Variants in AFF3 observed in about 807,000 individuals in gnomAD.
AFF3 encodes the protein AF4/FMR2 family member 3.
A neutral mutation model predicts 129.7 loss-of-function variants in AFF3; 32 were observed. That is an observed-to-expected ratio of 0.25 (90% confidence interval 0.19 to 0.33). AFF3 has a LOEUF of 0.33. AFF3 is among the 10% of genes least tolerant of loss of function. The pLI, the probability that AFF3 is intolerant of heterozygous loss-of-function variation, is 1.00. For missense variants in AFF3, 1,373 were observed against 1,592.0 expected (o/e 0.86, Z 2.34); for synonymous variants, 644 against 635.4 (o/e 1.01, Z -0.20).
At chr2:99,620,863 C>G (rs1328275039) in intron 13 of AFF3, among the ~76,000 whole-genome samples, 3 of 152,136 alleles carry the variant, frequency 2.0e-5, no homozygotes, top group African/African-American at 7.2e-5. Flanking sequence ...TCCTCCTCTT[C>G]TCCCTCTTCT....
intron 13 of AFF3, among the ~76,000 whole-genome samples, chr2:99,606,046 T>C (rs891338224): frequency 5.9e-5 from 9 of 152,156 alleles, no homozygotes; most frequent in African/African-American, 1.4e-4. Context: ...TTGGTTGTCA[T>C]GTTTACATAC....
intron 13 of AFF3, among the ~76,000 whole-genome samples, chr2:99,630,240 C>CA (rs937443129): frequency 1.3e-5 from 2 of 152,198 alleles, no homozygotes; most frequent in Non-Finnish European, 2.9e-5. Context: ...GGATGCGCTG[C>CA]ATGAAGCTTG....
chr2:99,601,637 G>C lies in AFF3; in HGVS notation c.1185-16C>G. The C allele has an allele frequency of 6.3e-7, 1 of 1,585,342 alleles. No homozygotes were observed. Among genetic ancestry groups the C allele is most frequent in the Admixed American group, 1.7e-5 (1 of 58,856 alleles). On this transcript the variant is annotated splice_polypyrimidine_tract_variant and intron_variant, in intron 13 of 24. Coordinates refer to ENST00000672756, the MANE Select transcript of AFF3 (RefSeq NM_001386135.1). ...GACCACGGCGCTGCCAGCCCGCGAG[G>C]CCCCCGGGAAGCAGAGGGAAGGAAA...
chr2:100,030,938 A>C (rs2104954120), intron 4 of AFF3, among the ~76,000 whole-genome samples: 1 of 152,356 alleles, frequency 6.6e-6, no homozygotes, highest in East Asian at 1.9e-4. Flanking sequence ...AGCATTGGTC[A>C]AAATTCATAG....
At chr2:99,999,023 G>A (rs1681130724) in intron 7 of AFF3, among the ~76,000 whole-genome samples, 4 of 151,976 alleles carry the variant, frequency 2.6e-5, no homozygotes, top group Admixed American at 2.6e-4. Context: ...CACAGAACAC[G>A]ACCATCTGTG....
At chr2:99,578,603 A>G (rs1207282161) in intron 17 of AFF3, 152 bp from the exon 18 acceptor site, 7 of 1,196,554 alleles carry the variant, frequency 5.9e-6, no homozygotes, top group Non-Finnish European at 8.0e-6. Flanking sequence ...TCAATAAAGA[A>G]ATACATGCAT....
At chr2:100,131,313 G>A (rs1326571563) in intron 1 of AFF3, among the ~76,000 whole-genome samples, 1 of 152,098 alleles carries the variant, frequency 6.6e-6, no homozygotes, top group African/African-American at 2.4e-5. Flanking sequence ...GGTTTCTCAA[G>A]AATTAAAGAA....
At chr2:100,044,394 C>T (rs1352853997) in intron 4 of AFF3, among the ~76,000 whole-genome samples, 1 of 152,148 alleles carries the variant, frequency 6.6e-6, no homozygotes, top group Non-Finnish European at 1.5e-5. Context: ...TAAATGAAAA[C>T]ACTGAACGTA....
intron 2 of AFF3, among the ~76,000 whole-genome samples, chr2:100,126,428 C>A (rs576164683): frequency 6.6e-6 from 1 of 152,172 alleles, no homozygotes; most frequent in African/African-American, 2.4e-5. Context: ...GATGTGGATG[C>A]ACACAGATCC....
At chr2:99,585,922 G>T (rs1328349427) in intron 16 of AFF3, among the ~76,000 whole-genome samples, 1 of 152,002 alleles carries the variant, frequency 6.6e-6, no homozygotes, top group Admixed American at 6.6e-5. Flanking sequence ...GTAGATACGG[G>T]GTTTCACCAT....
intron 19 of AFF3, among the ~76,000 whole-genome samples, chr2:99,568,425 T>G (rs143267953): frequency 6.6e-6 from 1 of 152,224 alleles, no homozygotes; most frequent in African/African-American, 2.4e-5. Flanking sequence ...TTGTACAGTT[T>G]CAGAGAAAGC....
At chr2:99,587,344 C>T in intron 15 of AFF3, 66 bp from the exon 16 acceptor site, 1 of 1,588,256 alleles carries the variant, frequency 6.3e-7, no homozygotes, top group Non-Finnish European at 8.6e-7. Flanking sequence ...TTCCCAGGCA[C>T]CGACTTCCAC....
chr2:99,779,273 T>C (rs977935523), intron 8 of AFF3, among the ~76,000 whole-genome samples: 9 of 152,208 alleles, frequency 5.9e-5, no homozygotes, highest in Non-Finnish European at 1.3e-4. Context: ...TTTTTCTGTA[T>C]CTATTGAGAT....
chr2:99,945,001 T>C (rs193101165), intron 7 of AFF3, among the ~76,000 whole-genome samples: 11 of 152,300 alleles, frequency 7.2e-5, no homozygotes, highest in Admixed American at 4.6e-4. Flanking sequence ...CCCCACTCAT[T>C]GGACACCTAT....
chr2:99,687,850 C>T (rs895516256), intron 11 of AFF3, among the ~76,000 whole-genome samples: 4 of 152,086 alleles, frequency 2.6e-5, no homozygotes, highest in Admixed American at 6.5e-5. Context: ...GCTATGATAA[C>T]GTAAGTCCAT....
At chr2:99,632,547 G>A (rs1217405936) in intron 13 of AFF3, among the ~76,000 whole-genome samples, 3 of 152,144 alleles carry the variant, frequency 2.0e-5, no homozygotes, top group Non-Finnish European at 2.9e-5. Flanking sequence ...GGCCTTCTGA[G>A]CTCCCCGGGG....
chr2:99,883,413 C>A (rs910824161), intron 7 of AFF3, among the ~76,000 whole-genome samples: 1 of 152,200 alleles, frequency 6.6e-6, no homozygotes, highest in Non-Finnish European at 1.5e-5. Flanking sequence ...TGACTGACAG[C>A]ACCATTAAAA....
At chr2:100,022,982 A>C (rs1254598943) in intron 4 of AFF3, among the ~76,000 whole-genome samples, 1 of 152,174 alleles carries the variant, frequency 6.6e-6, no homozygotes, top group African/African-American at 2.4e-5. Context: ...ACTCAACATC[A>C]ATTAGTCCTC....
chr2:100,071,192 G>A (rs1194342510), intron 4 of AFF3, among the ~76,000 whole-genome samples: 2 of 152,120 alleles, frequency 1.3e-5, no homozygotes, highest in Non-Finnish European at 2.9e-5. Context: ...GGGTCTAACA[G>A]TATATGACCT....
Sources: gnomAD v4.1 joint callset for allele counts (sites outside exome capture counted in the v4.1 genomes callset) on GRCh38, gnomAD v4.1.1 for gene constraint, MANE v1.5 for transcripts, NCBI Gene and HGNC (gene_info 2026-07-23, HGNC 2026-07-21) for gene names.